MAPKAP1: variants seen among roughly 807,000 people sequenced by gnomAD.
The protein encoded by MAPKAP1 is MAPK associated protein 1.
In MAPKAP1, 20 loss-of-function variants were observed where a neutral mutation model predicts 65.7. The ratio of observed to expected loss-of-function variants is 0.30; its 90% CI spans 0.21 to 0.44. MAPKAP1 has a LOEUF of 0.44. MAPKAP1 is among the 20% of genes least tolerant of loss of function. MAPKAP1 has a pLI of 1.00. For missense variants in MAPKAP1, 423 were observed against 648.0 expected (o/e 0.65, Z 3.77); for synonymous variants, 222 against 244.3 (o/e 0.91, Z 0.85).
chr9:125,451,144 C>A (rs1396442463), intron 10 of MAPKAP1: 1 of 152,158 alleles, frequency 6.6e-6, no homozygotes, highest in African/African-American at 2.4e-5. Flanking sequence ...ATAAAAACTC[C>A]CATGGCAATG....
Position 125,542,151 on chromosome 9 carries a change from G to C in MAPKAP1, c.958+908C>G, listed in dbSNP as rs565397318. Among the ~76,000 whole-genome samples the C allele has an allele frequency of 2.6e-5, 4 of 152,076 alleles. No homozygotes were observed. In the South Asian group the frequency reaches 8.3e-4, roughly 32 times the overall value. ...TTTTACAGCTCTTATCGTTCCCCTGGAATATGGCCTTGAGACAGCTCATCC... is the reference window on the plus strand; with the variant it reads ...TTTTACAGCTCTTATCGTTCCCCTGCAATATGGCCTTGAGACAGCTCATCC... On this transcript the variant is annotated intron_variant, in intron 7 of 11. Transcript: ENST00000265960.
intron 8 of MAPKAP1, among the ~76,000 whole-genome samples, chr9:125,503,791 A>G (rs1829052662): frequency 6.7e-6 from 1 of 148,260 alleles, no homozygotes; most frequent in Admixed American, 6.7e-5. Context: ...ATCTGAGCTC[A>G]CTGCAACCTC....
intron 7 of MAPKAP1, among the ~76,000 whole-genome samples, chr9:125,510,119 C>T (rs1829256388): frequency 6.6e-6 from 1 of 152,038 alleles, no homozygotes; most frequent in Admixed American, 6.5e-5. Flanking sequence ...ATATATTAGC[C>T]CCAGTTTACA....
intron 8 of MAPKAP1, among the ~76,000 whole-genome samples, chr9:125,505,255 C>G (rs1389298176): frequency 6.6e-6 from 1 of 152,132 alleles, no homozygotes; most frequent in Non-Finnish European, 1.5e-5. Context: ...GAAACCCAGT[C>G]TCTACTAAAA....
intron 1 of MAPKAP1, among the ~76,000 whole-genome samples, chr9:125,682,069 T>C (rs1319307481): frequency 6.9e-6 from 1 of 144,686 alleles, no homozygotes; most frequent in East Asian, 1.9e-4. Flanking sequence ...TCCCCTATGT[T>C]TGTTTTAACA....
chr9:125,503,356 C>G (rs1462931318), intron 8 of MAPKAP1, among the ~76,000 whole-genome samples: 2 of 152,254 alleles, frequency 1.3e-5, no homozygotes, highest in African/African-American at 4.8e-5. Context: ...AACCTTTAGG[C>G]TGCACTGCCA....
intron 11 of MAPKAP1, among the ~76,000 whole-genome samples, chr9:125,440,548 A>G (rs1023432613): frequency 3.9e-5 from 6 of 152,106 alleles, no homozygotes; most frequent in Non-Finnish European, 8.8e-5. Flanking sequence ...CCAGAGGGAG[A>G]GGAGCTTCTG....
intron 8 of MAPKAP1, among the ~76,000 whole-genome samples, chr9:125,498,722 A>G (rs978941228): frequency 3.3e-5 from 5 of 152,224 alleles, no homozygotes; most frequent in African/African-American, 7.2e-5. Context: ...TTATTTATAA[A>G]GCGTATATCC....
chr9:125,618,341 C>CAAAAAAAAAAAAAAAA (rs60166871), intron 4 of MAPKAP1, among the ~76,000 whole-genome samples: 1 of 31,218 alleles, frequency 3.2e-5, no homozygotes, highest in Non-Finnish European at 5.3e-5. Flanking sequence ...GGCTCCGTCT[C>CAAAAAAAAAAAAAAAA]AAAAAAAAAA....
chr9:125,677,283 C>A (rs1220351913), intron 1 of MAPKAP1, among the ~76,000 whole-genome samples: 3 of 151,956 alleles, frequency 2.0e-5, no homozygotes, highest in Non-Finnish European at 4.4e-5. Flanking sequence ...ACTAAAAATA[C>A]AAAAATTAGC....
intron 8 of MAPKAP1, among the ~76,000 whole-genome samples, chr9:125,490,160 G>T (rs1854646008): frequency 6.6e-6 from 1 of 152,092 alleles, no homozygotes; most frequent in Non-Finnish European, 1.5e-5. Context: ...TCCCCTTCAG[G>T]GTCCATAATT....
At chr9:125,547,459 T>C (rs867027014) in intron 6 of MAPKAP1, among the ~76,000 whole-genome samples, 1 of 152,096 alleles carries the variant, frequency 6.6e-6, no homozygotes, top group African/African-American at 2.4e-5. Flanking sequence ...ATGAAATGAG[T>C]AGGCTACTTC....
At chr9:125,653,796 T>C (rs1833957963) in intron 4 of MAPKAP1, among the ~76,000 whole-genome samples, 1 of 152,180 alleles carries the variant, frequency 6.6e-6, no homozygotes, top group Non-Finnish European at 1.5e-5. Context: ...CATTATCCTA[T>C]TTGATGGTCT....
chr9:125,602,046 G>A (rs1484053418), intron 4 of MAPKAP1, among the ~76,000 whole-genome samples: 2 of 152,110 alleles, frequency 1.3e-5, no homozygotes, highest in African/African-American at 2.4e-5. Flanking sequence ...TTGGGCCCAG[G>A]AGTCGAGACC....
intron 7 of MAPKAP1, among the ~76,000 whole-genome samples, chr9:125,514,837 C>G (rs1829414402): frequency 6.6e-6 from 1 of 152,156 alleles, no homozygotes; most frequent in Non-Finnish European, 1.5e-5. Flanking sequence ...TACTCTATGG[C>G]AGGGGCTGAC....
In MAPKAP1 at chr9:125,438,753, C is replaced by T. The variant is rs1852375936; in HGVS notation, c.*134G>A. On this transcript the variant is annotated 3_prime_UTR_variant, in exon 12 of 12. Coordinates refer to ENST00000265960, the MANE Select transcript of MAPKAP1 (RefSeq NM_001006617.3). ...GGGCCCCCGACACCTTCCCCGAGAG[C>T]CCACCTGCCCTGTGCCAGTGAGCCA... 9 of 1,233,332 alleles carry T rather than the reference C, an allele frequency of 7.3e-6. No individual in the cohort carries two copies. The highest frequency in any genetic ancestry group is 1.0e-5 in the Non-Finnish European group (9 of 884,396). 76.4% of individuals were successfully genotyped at this position (1,233,332 alleles called of 1,614,324 possible).
At chr9:125,509,397 TG>T (rs1725886417) in intron 7 of MAPKAP1, among the ~76,000 whole-genome samples, 1 of 152,320 alleles carries the variant, frequency 6.6e-6, no homozygotes, top group Non-Finnish European at 1.5e-5. Flanking sequence ...TTTTGCTTTG[TG>T]TTTTTTTGTA....
intron 3 of MAPKAP1, 93 bp from the exon 4 acceptor site, chr9:125,657,892 G>A (rs892372114): frequency 3.3e-5 from 40 of 1,220,558 alleles, no homozygotes; most frequent in Middle Eastern, 4.0e-4. Context: ...CCTTAAGGAA[G>A]GAGCATCCAG....
intron 10 of MAPKAP1, among the ~76,000 whole-genome samples, chr9:125,464,392 G>C (rs1212579127): frequency 6.6e-6 from 1 of 152,042 alleles, no homozygotes; most frequent in African/African-American, 2.4e-5. Context: ...AGGGGCTTAT[G>C]ACGTCTTTCA....
Sources: allele counts gnomAD v4.1 joint callset (sites outside exome capture counted in the v4.1 genomes callset), GRCh38; gene constraint gnomAD v4.1.1; transcripts MANE v1.5; gene names NCBI Gene and HGNC (gene_info 2026-07-23, HGNC 2026-07-21).